Variants in CDC25C observed in about 807,000 individuals in gnomAD.
CDC25C encodes the protein M-phase inducer phosphatase 3.
A neutral mutation model predicts 52.5 loss-of-function variants in CDC25C; 48 were observed. The observed-to-expected ratio is 0.91, with a 90% CI of 0.72 to 1.16. The LOEUF is 1.16. Among genes scored for constraint, CDC25C ranks in the 50% most tolerant of loss-of-function variants. The pLI, the probability that CDC25C is intolerant of heterozygous loss-of-function variation, is 0.00. For synonymous variants in CDC25C, 187 were observed against 206.5 expected (o/e 0.91, Z 0.81); for missense variants, 510 against 566.1 (o/e 0.90, Z 1.01).
chr5:138,330,800 C>T (rs1470052896), intron 2 of CDC25C, among the ~76,000 whole-genome samples, 187 bp downstream of exon 2: 3 of 152,204 alleles, frequency 2.0e-5, no homozygotes, highest in Non-Finnish European at 2.9e-5. Flanking sequence ...TGAGCCACCT[C>T]GCCTGGCTGA....
At chr5:138,327,353 C>T (rs958964155) in intron 4 of CDC25C, among the ~76,000 whole-genome samples, 2 of 137,038 alleles carry the variant, frequency 1.5e-5, no homozygotes, top group African/African-American at 5.5e-5. Flanking sequence ...CAGTGACTCA[C>T]ATCTGTAATC....
intron 7 of CDC25C, among the ~76,000 whole-genome samples, chr5:138,309,856 G>A (rs995559510): frequency 6.6e-6 from 1 of 151,512 alleles, no homozygotes; most frequent in Non-Finnish European, 1.5e-5. Context: ...ACAGGCACCT[G>A]CCACCAAACC....
chr5:138,285,854 G>A lies in CDC25C; in HGVS notation c.1273-13C>T, dbSNP rs371917171. 362 of 1,613,890 alleles carry A rather than the reference G, an allele frequency of 2.2e-4. 4 individuals carry two copies. In the South Asian group the frequency reaches 3.7e-3, roughly 17 times the overall value. On this transcript the variant is annotated splice_polypyrimidine_tract_variant and intron_variant, in intron 13 of 13. Transcript: ENST00000323760. ...GTTCACACAGTTCCTGAAAGGTAAGGAACAGAGTAAGGGATTCTCTAGACT... is the reference window on the plus strand; with the variant it reads ...GTTCACACAGTTCCTGAAAGGTAAGAAACAGAGTAAGGGATTCTCTAGACT...
rs1356148435 is a variant in CDC25C, at chr5:138,319,317, C to G, written c.517G>C (p.Val173Leu). ...TTTGGATTTTTATCCAATTTTGGAA[C>G]AGTAGTAATGGGACTGCCCAAATAT... ...MKYLGSPITT[V>L]PKLDKNPNLG... Residue 173 changes from valine (V) to leucine (L), a missense_variant, in exon 7 of 14, where the codon GTT becomes CTT. Coordinates refer to ENST00000323760, the MANE Select transcript of CDC25C (RefSeq NM_001790.5). 1 of 1,613,288 alleles carries G rather than the reference C, an allele frequency of 6.2e-7. No homozygotes were observed. Among genetic ancestry groups the G allele is most frequent in the African/African-American group, 1.3e-5 (1 of 74,912 alleles).
At chr5:138,337,461 TC>T in intron 1 of CDC25C, 1 of 156,464 alleles carries the variant, frequency 6.4e-6, no homozygotes, top group Non-Finnish European at 1.4e-5. Context: ...TCTCCCCACC[TC>T]CCCGCACCTC....
chr5:138,289,393 GT>G (rs1474092378), intron 10 of CDC25C, 107 bp downstream of exon 10: 1 of 786,592 alleles, frequency 1.3e-6, no homozygotes, highest in Non-Finnish European at 2.2e-6. Flanking sequence ...AGGAGCCTGT[GT>G]GAGTGAACAC....
chr5:138,315,001 C>T (rs1758772338), intron 7 of CDC25C, among the ~76,000 whole-genome samples: 1 of 147,064 alleles, frequency 6.8e-6, no homozygotes, highest in African/African-American at 2.5e-5. Context: ...GATCTCGGCT[C>T]ACTGCAGCCT....
intron 2 of CDC25C, among the ~76,000 whole-genome samples, chr5:138,330,195 A>AT (rs879534356): frequency 4.7e-4 from 69 of 147,374 alleles, no homozygotes; most frequent in Middle Eastern, 3.5e-3. Flanking sequence ...GAAACAGATA[A>AT]TTTTTTTTTT....
At chr5:138,327,653 A>G (rs1278552631) in intron 4 of CDC25C, among the ~76,000 whole-genome samples, 1 of 152,102 alleles carries the variant, frequency 6.6e-6, no homozygotes, top group Non-Finnish European at 1.5e-5. Context: ...AAAAATAAAT[A>G]CATAAGTAAA....
chr5:138,329,726 C>CTTTTT lies in CDC25C; in HGVS notation c.195-84_195-80dup, dbSNP rs71574413. Reference sequence around the variant, plus strand: ...AAGTCAAAGATCATGTCATCCTCTTCTTTTTTTTTTTTTTTTTTTTTTGCA... The same window carrying CTTTTT: ...AAGTCAAAGATCATGTCATCCTCTTCTTTTTTTTTTTTTTTTTTTTTTTTTTTGCA... On this transcript the variant is annotated intron_variant, in intron 2 of 13. Coordinates refer to ENST00000323760, the MANE Select transcript of CDC25C (RefSeq NM_001790.5). 8.4e-4 allele frequency: 246 copies of CTTTTT among 293,606 alleles called. 1 individual carries two copies. The highest frequency in any genetic ancestry group is 1.9e-3 in the African/African-American group (52 of 27,628). The allele number at this position is 293,606 out of a possible 1,614,324, so 18.2% of individuals were successfully genotyped here.
At chr5:138,292,480 C>CAAAAAAAAAAAAAAAAAAAA (rs70982703) in intron 7 of CDC25C, among the ~76,000 whole-genome samples, 1 of 63,510 alleles carries the variant, frequency 1.6e-5, no homozygotes, top group Non-Finnish European at 2.8e-5. Flanking sequence ...GTTATGTGAC[C>CAAAAAAAAAAAAAAAAAAAA]AAAAAAAAAA....
In CDC25C at chr5:138,285,745, C is replaced by T; in HGVS notation, c.1369G>A (p.Glu457Lys). Residue 457 changes from glutamate to lysine, a missense_variant, in exon 14 of 14, where the codon GAG (glutamate) becomes AAG (lysine). Coordinates refer to ENST00000323760, the MANE Select transcript of CDC25C (RefSeq NM_001790.5). Reference sequence around the variant, plus strand: ...GCAATCTGCTCCCGCAGCTGCCGCTCCCCTTCCTGCACTTTGCTCTGGCTT... The same window carrying T: ...GCAATCTGCTCCCGCAGCTGCCGCTTCCCTTCCTGCACTTTGCTCTGGCTT... ...CRSQSKVQEG[E>K]RQLREQIALL... The T allele has an allele frequency of 1.2e-6, 2 of 1,614,224 alleles. No individual in the cohort carries two copies. Among genetic ancestry groups the T allele is most frequent in the South Asian group, 1.1e-5 (1 of 91,090 alleles).
chr5:138,338,323 C>T (rs1242866875), exon 1 of CDC25C: 1 of 492,922 alleles, frequency 2.0e-6, no homozygotes, highest in East Asian at 7.3e-5. Context: ...TGGTGGAGGG[C>T]AGGTGGCGCT....
At chr5:138,301,184 A>G (rs1262736500) in intron 7 of CDC25C, among the ~76,000 whole-genome samples, 2 of 152,218 alleles carry the variant, frequency 1.3e-5, no homozygotes, top group African/African-American at 2.4e-5. Context: ...TTTTTTAAAA[A>G]GATCAATATT....
At chr5:138,298,034 T>G (rs1485185895) in intron 7 of CDC25C, among the ~76,000 whole-genome samples, 1 of 151,328 alleles carries the variant, frequency 6.6e-6, no homozygotes, top group Non-Finnish European at 1.5e-5. Flanking sequence ...GGTCTCACTC[T>G]CTCATCCAGG....
At chr5:138,324,716 C>T (rs1391314002) in intron 6 of CDC25C, among the ~76,000 whole-genome samples, 1 of 151,978 alleles carries the variant, frequency 6.6e-6, no homozygotes, top group Non-Finnish European at 1.5e-5. Flanking sequence ...CGAGATTGCA[C>T]CACTGCACTC....
chr5:138,304,623 T>A (rs1294388670), intron 7 of CDC25C, among the ~76,000 whole-genome samples: 1 of 151,668 alleles, frequency 6.6e-6, no homozygotes, highest in African/African-American at 2.4e-5. Context: ...CTACTGTCTC[T>A]GCCTCCCAAG....
At chr5:138,302,962 G>C (rs979258743) in intron 7 of CDC25C, among the ~76,000 whole-genome samples, 5 of 151,856 alleles carry the variant, frequency 3.3e-5, no homozygotes, top group African/African-American at 1.2e-4. Flanking sequence ...CCAGCTACTT[G>C]GGGAGGCATA....
intron 11 of CDC25C, among the ~76,000 whole-genome samples, chr5:138,286,912 C>T (rs1756293117): frequency 6.6e-6 from 1 of 152,094 alleles, no homozygotes; most frequent in South Asian, 2.1e-4. Flanking sequence ...TGCTTCAGTC[C>T]TTGGATTAAT....
Sources: gnomAD v4.1 joint callset for allele counts (sites outside exome capture counted in the v4.1 genomes callset) on GRCh38, gnomAD v4.1.1 for gene constraint, MANE v1.5 for transcripts, NCBI Gene and HGNC (gene_info 2026-07-23, HGNC 2026-07-21) for gene names.